Variants in DIAPH3 observed in about 807,000 individuals in gnomAD.
DIAPH3 encodes the protein diaphanous related formin 3.
In DIAPH3, 117 loss-of-function variants were observed where a neutral mutation model predicts 144.3. That is an observed-to-expected ratio of 0.81 (90% CI 0.70 to 0.95). The LOEUF (loss-of-function observed/expected upper bound fraction) is 0.95. DIAPH3 is among the 40% of genes least tolerant of loss of function. The pLI, the probability that DIAPH3 is intolerant of heterozygous loss-of-function variation, is 0.00. For missense variants in DIAPH3, 1,421 were observed against 1,412.7 expected (o/e 1.01, Z -0.09); for synonymous variants, 519 against 488.9 (o/e 1.06, Z -0.81).
intron 27 of DIAPH3, among the ~76,000 whole-genome samples, chr13:59,727,316 T>A (rs138746871): frequency 6.6e-6 from 1 of 152,196 alleles, no homozygotes; most frequent in Non-Finnish European, 1.5e-5. Flanking sequence ...TTGTTTGTTA[T>A]TCAGGGAAGA....
At chr13:59,825,484 T>C (rs561452470) in intron 24 of DIAPH3, among the ~76,000 whole-genome samples, 2 of 152,184 alleles carry the variant, frequency 1.3e-5, no homozygotes, top group East Asian at 1.9e-4. Flanking sequence ...GTGAATAGTG[T>C]ACAATAAACA....
At chr13:60,134,961 T>G (rs1206388721) in intron 1 of DIAPH3, among the ~76,000 whole-genome samples, 1 of 151,934 alleles carries the variant, frequency 6.6e-6, no homozygotes, top group Non-Finnish European at 1.5e-5. Context: ...GATAAATAAT[T>G]TTAAAATAAA....
chr13:59,987,305 T>C (rs901013357), intron 12 of DIAPH3, among the ~76,000 whole-genome samples: 7 of 145,504 alleles, frequency 4.8e-5, no homozygotes, highest in Middle Eastern at 3.2e-3. Context: ...AAGGGGAATA[T>C]CACACTCTGG....
At chr13:59,892,023 GCAA>G (rs897806905) in intron 20 of DIAPH3, among the ~76,000 whole-genome samples, 9 of 151,228 alleles carry the variant, frequency 6.0e-5, no homozygotes, top group Admixed American at 2.0e-4. Context: ...AAACAAACAA[GCAA>G]CAACAACAAC....
At chr13:59,805,686 A>T (rs930384226) in intron 25 of DIAPH3, among the ~76,000 whole-genome samples, 21 of 151,174 alleles carry the variant, frequency 1.4e-4, no homozygotes, top group African/African-American at 3.9e-4. Context: ...TTCATCATTT[A>T]AAAAAAAATG....
At chr13:60,078,689 T>TAA (rs145721391) in intron 4 of DIAPH3, among the ~76,000 whole-genome samples, 126 of 152,064 alleles carry the variant, frequency 8.3e-4, no homozygotes, top group Non-Finnish European at 1.5e-3. Flanking sequence ...GATGAAATAT[T>TAA]AATACATTAT....
At chr13:60,137,293 T>C (rs1291199173) in intron 1 of DIAPH3, among the ~76,000 whole-genome samples, 1 of 152,210 alleles carries the variant, frequency 6.6e-6, no homozygotes, top group East Asian at 1.9e-4. Context: ...TATATTCCCA[T>C]TTAAGCAATG....
intron 2 of DIAPH3, among the ~76,000 whole-genome samples, chr13:60,124,845 A>C (rs569112756): frequency 6.6e-6 from 1 of 151,812 alleles, no homozygotes; most frequent in Admixed American, 6.6e-5. Flanking sequence ...AAAAAAAAAA[A>C]GGGGAAAGAA....
intron 2 of DIAPH3, among the ~76,000 whole-genome samples, chr13:60,125,838 A>G (rs1268798655): frequency 6.6e-6 from 1 of 151,420 alleles, no homozygotes; most frequent in African/African-American, 2.4e-5. Flanking sequence ...AGTCCAGAGA[A>G]GAAAAAATGA....
rs530299192 is a variant in DIAPH3, at chr13:59,959,461, T to C, written c.2074+10483A>G. Among the ~76,000 whole-genome samples, 11 of 152,252 alleles carry C rather than the reference T, an allele frequency of 7.2e-5. No homozygotes were observed. The South Asian group carries it at 1.9e-3, about 26-fold the overall frequency. On this transcript the variant is annotated intron_variant, in intron 17 of 27. Transcript: ENST00000400324. The stretch of plus-strand genomic sequence containing the variant: ...GTGATCAAGGTTAAGGATTCTGAGA[T>C]GGGGAAGAGCAGAATGGATTACCCA...
intron 4 of DIAPH3, among the ~76,000 whole-genome samples, chr13:60,083,442 A>G (rs1270278399): frequency 6.6e-6 from 1 of 152,066 alleles, no homozygotes; most frequent in Non-Finnish European, 1.5e-5. Flanking sequence ...TTAATGAAAG[A>G]ATATAATACT....
intron 5 of DIAPH3, among the ~76,000 whole-genome samples, chr13:60,040,914 A>G (rs1043733882): frequency 2.0e-5 from 3 of 152,140 alleles, no homozygotes; most frequent in African/African-American, 7.2e-5. Flanking sequence ...CCTAGGTTCA[A>G]GCGATTCTCC....
At position 60,016,115 on chromosome 13, in the gene DIAPH3, A is replaced by T. The variant is rs1223303610; in HGVS notation, c.657T>A (p.Leu219=). 6.2e-7 allele frequency: 1 copy of T among 1,613,794 alleles called. No homozygotes were observed. Among genetic ancestry groups the T allele is most frequent in the East Asian group, 2.2e-5 (1 of 44,776 alleles). The change falls in exon 6 of 28, where the codon CTT becomes CTA. Residue 219 remains leucine (L), a synonymous_variant. Coordinates refer to ENST00000400324, the MANE Select transcript of DIAPH3 (RefSeq NM_001042517.2). ...SWVESFGHEG[L]GLLLDILEKL... ...TTTCCAAAATGTCTAATAATAATCC[A>T]AGCCCTTCATGTCCAAAGCTTTCCA...
At chr13:60,135,255 T>C (rs1386057335) in intron 1 of DIAPH3, among the ~76,000 whole-genome samples, 1 of 151,600 alleles carries the variant, frequency 6.6e-6, no homozygotes, top group East Asian at 1.9e-4. Flanking sequence ...TTTTCTTTTT[T>C]TTTTTTTTTT....
chr13:59,861,321 A>C (rs756381295), intron 22 of DIAPH3, 86 bp downstream of exon 22: 7 of 1,605,346 alleles, frequency 4.4e-6, no homozygotes, highest in Non-Finnish European at 5.9e-6. Context: ...GAGAAAGTGG[A>C]AAGTACATAC....
intron 4 of DIAPH3, among the ~76,000 whole-genome samples, chr13:60,075,937 A>G (rs1415248842): frequency 6.6e-6 from 1 of 152,238 alleles, no homozygotes; most frequent in African/African-American, 2.4e-5. Flanking sequence ...AAATACTACT[A>G]AAGAAATAGC....
intron 17 of DIAPH3, among the ~76,000 whole-genome samples, chr13:59,968,632 T>C (rs2140552000): frequency 2.0e-5 from 3 of 152,296 alleles, no homozygotes; most frequent in African/African-American, 7.2e-5. Flanking sequence ...AAAATATCTG[T>C]TAACTGTTTT....
chr13:59,712,739 C>T (rs1299644476), intron 27 of DIAPH3, among the ~76,000 whole-genome samples: 5 of 152,202 alleles, frequency 3.3e-5, no homozygotes, highest in Non-Finnish European at 5.9e-5. Context: ...TACTTGTTCA[C>T]TTTAATAAGT....
intron 25 of DIAPH3, among the ~76,000 whole-genome samples, chr13:59,798,991 GC>G (rs1164649187): frequency 1.3e-5 from 2 of 152,054 alleles, no homozygotes; most frequent in Non-Finnish European, 2.9e-5. Context: ...TGTGGTTGAA[GC>G]ACAGTAATTT....
Sources: gnomAD v4.1 joint callset for allele counts (sites outside exome capture counted in the v4.1 genomes callset) on GRCh38, gnomAD v4.1.1 for gene constraint, MANE v1.5 for transcripts, NCBI Gene and HGNC (gene_info 2026-07-23, HGNC 2026-07-21) for gene names.